FGA: variants seen among roughly 807,000 people sequenced by gnomAD.
FGA encodes fibrinogen, A alpha polypeptide.
In FGA, 20 loss-of-function variants were observed where a neutral mutation model predicts 20.3. That is an observed-to-expected ratio of 0.99 (90% CI 0.69 to 1.43). The LOEUF (loss-of-function observed/expected upper bound fraction) is 1.43, where lower values mean the gene tolerates loss of function less well. FGA is among the 40% of genes most tolerant of loss of function. FGA has a pLI of 0.00. For missense variants in FGA, 777 were observed against 784.7 expected (o/e 0.99, Z 0.12); for synonymous variants, 306 against 281.6 (o/e 1.09, Z -0.87).
chr4:154,584,552 T>G (rs761425560), downstream of FGA: 4 of 1,614,162 alleles, frequency 2.5e-6, no homozygotes. Flanking sequence ...AATTCAACCC[T>G]AAGAACAGAG....
rs1730712653 is a variant in FGA, at chr4:154,586,289, A to G, written c.1140T>C (p.Ser380=). The stretch of plus-strand genomic sequence containing the variant: ...CAGAGTGCCATTGTCCAGTACTACC[A>G]GATACAGAGCTCTCAGAGGTCCAGT... ...AGHWTSESSV[S]GSTGQWHSES... The change falls in exon 5 of 5, where the codon TCT becomes TCC. Residue 380 remains serine (S), a synonymous_variant. Coordinates refer to ENST00000403106, the MANE Select transcript of FGA (RefSeq NM_021871.4). 1.9e-6 allele frequency: 3 copies of G among 1,614,084 alleles called. No individual in the cohort carries two copies. Among genetic ancestry groups the G allele is most frequent in the East Asian group, 2.2e-5 (1 of 44,886 alleles).
chr4:154,588,951 C>T lies in FGA; in HGVS notation c.206G>A (p.Arg69Lys), dbSNP rs1366944551. The T allele has an allele frequency of 5.0e-6, 8 of 1,613,686 alleles. No homozygotes were observed. In the African/African-American group the frequency reaches 6.7e-5, roughly 13 times the overall value. The stretch of plus-strand genomic sequence containing the variant: ...GACTTCATCAATCAACCCTTTCATC[C>T]TGCAGCCAGAAGGGCATTTGTAGTT... ...DWNYKCPSGC[R>K]MKGLIDEVNQ... The change falls in exon 3 of 5, where the codon AGG (arginine) becomes AAG (lysine). Residue 69 changes from arginine (R) to lysine (K), a missense_variant. Arg to Lys is a conservative substitution (Grantham distance 26). Coordinates refer to ENST00000403106, the MANE Select transcript of FGA (RefSeq NM_021871.4).
Position 154,585,838 on chromosome 4 carries a change from C to T in FGA, c.1591G>A (p.Gly531Ser), listed in dbSNP as rs1343059612. The change falls in exon 5 of 5, where the codon GGT becomes AGT. Residue 531 changes from glycine (G) to serine (S), a missense_variant. By Grantham distance (56) the Gly-to-Ser change is moderately conservative. Coordinates refer to ENST00000403106, the MANE Select transcript of FGA (RefSeq NM_021871.4). ...DTASTGKTFPGFFSPMLGEFV... is the reference protein window; with the variant it reads ...DTASTGKTFPSFFSPMLGEFV... Reference sequence around the variant, plus strand: ...TCTCCTAACATAGGTGAGAAGAAACCTGGGAATGTTTTTCCAGTTGAGGCA... The same window carrying T: ...TCTCCTAACATAGGTGAGAAGAAACTTGGGAATGTTTTTCCAGTTGAGGCA... 1.2e-6 allele frequency: 2 copies of T among 1,614,138 alleles called. No individual in the cohort carries two copies. The highest frequency in any genetic ancestry group is 1.7e-6 in the Non-Finnish European group (2 of 1,180,020).
In FGA at chr4:154,590,708, G is replaced by C; in HGVS notation, c.-21C>G. The C allele has an allele frequency of 6.5e-7, 1 of 1,547,638 alleles. No individual in the cohort carries two copies. Among genetic ancestry groups the C allele is most frequent in the Non-Finnish European group, 8.7e-7 (1 of 1,142,858 alleles). On this transcript the variant is annotated 5_prime_UTR_variant, in exon 1 of 5. Coordinates refer to ENST00000403106, the MANE Select transcript of FGA (RefSeq NM_021871.4). Reference sequence around the variant, plus strand: ...AACATCTTTTCTAAGGGTGGGGCTGGCTCCTGAGGAGCACTCCAGCTGAAA... The same window carrying C: ...AACATCTTTTCTAAGGGTGGGGCTGCCTCCTGAGGAGCACTCCAGCTGAAA...
chr4:154,585,292 C>A lies in FGA; in HGVS notation c.*202G>T. 7.5e-7 allele frequency: 1 copy of A among 1,331,628 alleles called. No individual in the cohort carries two copies. The highest frequency in any genetic ancestry group is 3.1e-5 in the Admixed American group (1 of 32,176). The allele number at this position is 1,331,628 out of a possible 1,614,324, so 82.5% of individuals were successfully genotyped here. The stretch of plus-strand genomic sequence containing the variant: ...CAGAGGAATTCATTCATCCATTTAA[C>A]ATGTATTTATTGAGTCATGGCTCTG... On this transcript the variant is annotated 3_prime_UTR_variant, in exon 5 of 5. Coordinates refer to ENST00000403106, the MANE Select transcript of FGA (RefSeq NM_021871.4).
Position 154,586,810 on chromosome 4 carries a change from C to A in FGA, c.619G>T (p.Val207Phe), listed in dbSNP as rs1011582973. Residue 207 changes from valine (V) to phenylalanine (F), a missense_variant, in exon 5 of 5, where the codon GTC (valine) becomes TTC (phenylalanine). Transcript: ENST00000403106. ...GAGGGAAGTAAGTCTTTGGCAATGA[C>A]CTGTTCAAGTTGCTTCTGCTGATCT... Reference protein sequence around the residue: ...YEDQQKQLEQVIAKDLLPSRD... With the variant: ...YEDQQKQLEQFIAKDLLPSRD... The A allele has an allele frequency of 1.2e-6, 2 of 1,614,122 alleles. No homozygotes were observed. Among genetic ancestry groups the A allele is most frequent in the African/African-American group, 1.3e-5 (1 of 75,022 alleles).
Position 154,586,701 on chromosome 4 carries a change from T to G in FGA, c.728A>C (p.Lys243Thr). 6.2e-7 allele frequency: 1 copy of G among 1,614,230 alleles called. No individual in the cohort carries two copies. The highest frequency in any genetic ancestry group is 1.3e-5 in the African/African-American group (1 of 75,066). Reference sequence around the variant, plus strand: ...TAATGCCTTCCACTCTGGGGGTACCTTCTGAAGCTGGCTCTTAAAATTTCC... The same window carrying G: ...TAATGCCTTCCACTCTGGGGGTACCGTCTGAAGCTGGCTCTTAAAATTTCC... ...VPGNFKSQLQ[K>T]VPPEWKALTD... The change falls in exon 5 of 5, where the codon AAG (lysine) becomes ACG (threonine). Residue 243 changes from lysine to threonine, a missense_variant. Physicochemically the swap from Lys to Thr is moderately conservative, Grantham distance 78. Coordinates refer to ENST00000403106, the MANE Select transcript of FGA (RefSeq NM_021871.4).
downstream of FGA, chr4:154,584,897 G>A (rs1730671165): frequency 9.8e-6 from 12 of 1,224,134 alleles, no homozygotes; most frequent in Admixed American, 1.5e-4. Context: ...AGATAGGCAC[G>A]GCTCAGATTA....
downstream of FGA, chr4:154,584,090 G>T: frequency 6.7e-7 from 1 of 1,485,090 alleles, no homozygotes; most frequent in Non-Finnish European, 9.2e-7. Flanking sequence ...CTCTAGCAAA[G>T]AAGACAGAGT....
rs757384888 is a variant in FGA, at chr4:154,586,371, C to G, written c.1058G>C (p.Arg353Thr). Residue 353 changes from arginine (R) to threonine (T), a missense_variant, in exon 5 of 5, where the codon AGA (arginine) becomes ACA (threonine). Arg to Thr is a moderately conservative substitution (Grantham distance 71). Transcript: ENST00000403106. ...ATTCCAGGTTCCGGTACTACCAGGTCTAGGGCTCCCAGGGTTTTGGTTTCC... is the reference window on the plus strand; with the variant it reads ...ATTCCAGGTTCCGGTACTACCAGGTGTAGGGCTCCCAGGGTTTTGGTTTCC... The part of the protein sequence containing the change: ...STGNQNPGSP[R>T]PGSTGTWNPG... The G allele has an allele frequency of 2.5e-6, 4 of 1,614,112 alleles. No homozygotes were observed. Among genetic ancestry groups the G allele is most frequent in the Non-Finnish European group, 2.5e-6 (3 of 1,180,050 alleles).
At chr4:154,590,077 T>G (rs1219588028) in intron 1 of FGA, among the ~76,000 whole-genome samples, 1 of 152,218 alleles carries the variant, frequency 6.6e-6, no homozygotes, top group Non-Finnish European at 1.5e-5. Flanking sequence ...ATACCATTAC[T>G]GCGGAAAAGC....
Position 154,586,130 on chromosome 4 carries a change from C to CAGTTTTTCT in FGA, c.1290_1298dup (p.Glu431_Leu433dup), listed in dbSNP as rs1730707311. 1 of 1,614,146 alleles carries CAGTTTTTCT rather than the reference C, an allele frequency of 6.2e-7. No individual in the cohort carries two copies. Among genetic ancestry groups the CAGTTTTTCT allele is most frequent in the East Asian group, 2.2e-5 (1 of 44,874 alleles). On this transcript the variant is annotated inframe_insertion, in exon 5 of 5. Coordinates refer to ENST00000403106, the MANE Select transcript of FGA (RefSeq NM_021871.4). Reference sequence around the variant, plus strand: ...GCTCTTTATCTCCTTTAGAAGTGACCAGTTTTTCTGTGTGGTACTCTCTCC... The same window carrying CAGTTTTTCT: ...GCTCTTTATCTCCTTTAGAAGTGACCAGTTTTTCTAGTTTTTCTGTGTGGTACTCTCTCC...
At chr4:154,584,896 C>A, downstream of FGA, 1 of 1,232,314 alleles carries the variant, frequency 8.1e-7, no homozygotes, top group Non-Finnish European at 1.2e-6. Flanking sequence ...AAGATAGGCA[C>A]GGCTCAGATT....
In FGA at chr4:154,586,152, C is replaced by T. The variant is rs758775703; in HGVS notation, c.1277G>A (p.Arg426Lys). The part of the protein sequence containing the change: ...VSGNVSPGTR[R>K]EYHTEKLVTS... ...GACCAGTTTTTCTGTGTGGTACTCT[C>T]TCCTTGTCCCTGGACTTACATTTCC... Residue 426 changes from arginine (R) to lysine (K), a missense_variant, in exon 5 of 5, where the codon AGA becomes AAA. Transcript: ENST00000403106. 4 of 1,614,172 alleles carry T rather than the reference C, an allele frequency of 2.5e-6. No individual in the cohort carries two copies. In the Admixed American group the frequency reaches 5.0e-5, roughly 20 times the overall value.
downstream of FGA, chr4:154,584,552 T>C (rs761425560): frequency 1.9e-6 from 3 of 1,614,044 alleles, no homozygotes; most frequent in Admixed American, 1.7e-5. Flanking sequence ...AATTCAACCC[T>C]AAGAACAGAG....
At chr4:154,584,811 T>C, downstream of FGA, 4 of 1,613,490 alleles carry the variant, frequency 2.5e-6, no homozygotes, top group Non-Finnish European at 3.4e-6. Flanking sequence ...CTGAAGGATG[T>C]GTTTGGAGGA....
intron 3 of FGA, among the ~76,000 whole-genome samples, chr4:154,588,487 CAA>C (rs1218738101): frequency 6.6e-6 from 1 of 152,190 alleles, no homozygotes; most frequent in African/African-American, 2.4e-5. Context: ...AATATCAACT[CAA>C]AGAGTCTGAC....
Position 154,586,049 on chromosome 4 carries a change from T to C in FGA, c.1380A>G (p.Ser460=). Residue 460 remains serine (S), a synonymous_variant, in exon 5 of 5, where the codon TCA becomes TCG. Coordinates refer to ENST00000403106, the MANE Select transcript of FGA (RefSeq NM_021871.4). ...TSGSTTTTRR[S]CSKTVTKTVI... ...CAGTCTTAGTAACGGTTTTAGAGCA[T>C]GAACGACGCGTGGTGGTTGTGCTAC... 1.9e-6 allele frequency: 3 copies of C among 1,614,196 alleles called. No individual in the cohort carries two copies. The highest frequency in any genetic ancestry group is 1.7e-6 in the Non-Finnish European group (2 of 1,180,024).
At chr4:154,587,310 C>G (rs577922413) in intron 4 of FGA, among the ~76,000 whole-genome samples, 1 of 152,250 alleles carries the variant, frequency 6.6e-6, no homozygotes, top group Non-Finnish European at 1.5e-5. Context: ...AATTTACTAT[C>G]TATGTACCGT....
Sources: gnomAD v4.1 joint callset for allele counts (sites outside exome capture counted in the v4.1 genomes callset) on GRCh38, gnomAD v4.1.1 for gene constraint, MANE v1.5 for transcripts, NCBI Gene and HGNC (gene_info 2026-07-23, HGNC 2026-07-21) for gene names.